The following ZNF74 variants were observed in gnomAD, a reference collection of about 807,000 sequenced individuals.
ZNF74 encodes zinc finger protein 74, also known as zinc finger protein 520.
In ZNF74, 12 loss-of-function variants were observed where a neutral mutation model predicts 17.7. The ratio of observed to expected loss-of-function variants is 0.68; its 90% CI spans 0.43 to 1.10. The LOEUF (loss-of-function observed/expected upper bound fraction) is 1.10. ZNF74 is among the 50% of genes least tolerant of loss of function. ZNF74 has a pLI of 0.00. For synonymous variants in ZNF74, 358 were observed against 362.1 expected, an observed-to-expected ratio of 0.99 and a Z score of 0.13; for missense variants, 811 against 881.0, an observed-to-expected ratio of 0.92 and a Z score of 1.01.
chr22:20,394,921 C>T (rs1473218749), intron 1 of ZNF74: 4 of 519,388 alleles, frequency 7.7e-6, no homozygotes, highest in Admixed American at 6.9e-5. Context: ...CCACCACGCC[C>T]GGCTAATGTT....
chr22:20,406,768 A>G lies in ZNF74; in HGVS notation c.1735A>G (p.Ser579Gly). 1 of 1,614,176 alleles carries G rather than the reference A, an allele frequency of 6.2e-7. No homozygotes were observed. The highest frequency in any genetic ancestry group is 8.5e-7 in the Non-Finnish European group (1 of 1,180,036). ...SHLTEHQRLHSEGKPLAIQFN... is the reference protein window; with the variant it reads ...SHLTEHQRLHGEGKPLAIQFN... ...CCTCACTGAGCACCAGAGGCTGCACAGCGAGGGGAAGCCCTTGGCCATCCA... is the reference window on the plus strand; with the variant it reads ...CCTCACTGAGCACCAGAGGCTGCACGGCGAGGGGAAGCCCTTGGCCATCCA... The change falls in exon 5 of 5, where the codon AGC becomes GGC. Residue 579 changes from serine (S) to glycine (G), a missense_variant. Around this residue, in one of 3 missense-constraint regions of ZNF74, gnomAD observed 115 missense variants for 119.5 expected, o/e 0.96. Transcript: ENST00000400451.
Position 20,407,078 on chromosome 22 carries a change from C to T in ZNF74, c.*110C>T, listed in dbSNP as rs2052441221. 1 of 1,448,444 alleles carries T rather than the reference C, an allele frequency of 6.9e-7. No individual in the cohort carries two copies. The highest frequency in any genetic ancestry group is 1.4e-5 in the African/African-American group (1 of 70,072). The allele number at this position is 1,448,444 out of a possible 1,614,324, so 89.7% of individuals were successfully genotyped here. ...ACCACCTTCCTCCAGGTGTGGGAGC[C>T]TTGCCTTATCACCCCCATCAGGTCT... is the stretch of plus-strand genomic sequence containing the variant. On this transcript the variant is annotated 3_prime_UTR_variant, in exon 5 of 5. Transcript: ENST00000400451.
In ZNF74 at chr22:20,401,191, C is replaced by T; in HGVS notation, c.248-86C>T. The T allele has an allele frequency of 1.2e-6, 1 of 838,848 alleles. No homozygotes were observed. The highest frequency in any genetic ancestry group is 2.7e-5 in the East Asian group (1 of 37,622). The allele number at this position is 838,848 out of a possible 1,614,324, so 52.0% of individuals were successfully genotyped here. ...CCAGAGAGGGTGTCCACTTCACAGG[C>T]ATTGTCCTTGTTAGGGGGCGGCCTG... On this transcript the variant is annotated intron_variant, in intron 3 of 4. Transcript: ENST00000400451. This position sits in a 1 kb window ranked among gnomAD's most constrained non-coding sequence, Gnocchi z 4.2.
At position 20,394,346 on chromosome 22, in the gene ZNF74, G is replaced by A. The variant is rs1229567906; in HGVS notation, c.-283G>A. On this transcript the variant is annotated 5_prime_UTR_variant, in exon 1 of 5. Transcript: ENST00000400451. ...GTCTCCGAGCGCGGGTTCGCCGGGA[G>A]GAGCGTGTGGCGGGGGTGTGCCGGG... The A allele has an allele frequency of 4.3e-6, 3 of 694,248 alleles. No individual in the cohort carries two copies. Among genetic ancestry groups the A allele is most frequent in the East Asian group, 2.7e-5 (1 of 36,546 alleles). 43.0% of individuals were successfully genotyped at this position (694,248 alleles called of 1,614,324 possible).
chr22:20,403,791 C>T (rs894337414), intron 4 of ZNF74, among the ~76,000 whole-genome samples: 3 of 152,122 alleles, frequency 2.0e-5, no homozygotes, highest in Non-Finnish European at 4.4e-5. Flanking sequence ...CCCCCGCCCC[C>T]CGTCAAGACA....
At chr22:20,400,915 C>A in intron 3 of ZNF74, 157 bp downstream of exon 3, 1 of 877,016 alleles carries the variant, frequency 1.1e-6, no homozygotes. Flanking sequence ...CCAGGGGCCT[C>A]GGCCACGCCA....
Position 20,406,449 on chromosome 22 carries a change from C to CA in ZNF74, c.1418dup (p.Cys474ValfsTer52). ...GCATCCACAGCGGCGAGAAGCCCTTCAAGTGCAACGAGTGCGGCAAAGCCT... is the reference window on the plus strand; with the variant it reads ...GCATCCACAGCGGCGAGAAGCCCTTCAAAGTGCAACGAGTGCGGCAAAGCCT... On this transcript the variant is annotated frameshift_variant, in exon 5 of 5. Transcript: ENST00000400451. LOFTEE classifies it low-confidence loss of function (END_TRUNC). 6.2e-7 allele frequency: 1 copy of CA among 1,614,072 alleles called. No individual in the cohort carries two copies. The highest frequency in any genetic ancestry group is 1.1e-5 in the South Asian group (1 of 91,076).
Position 20,406,269 on chromosome 22 carries a change from G to T in ZNF74, c.1236G>T (p.Gly412=), listed in dbSNP as rs931702014. The T allele has an allele frequency of 6.2e-7, 1 of 1,608,814 alleles. No homozygotes were observed. The highest frequency in any genetic ancestry group is 1.7e-5 in the Admixed American group (1 of 59,696). The part of the protein sequence containing the change: ...SLTVHEKIHS[G]DKPFKCSDCE... ...CCGTGCATGAGAAGATCCACAGCGG[G>T]GACAAGCCGTTCAAGTGCAGCGACT... is the stretch of plus-strand genomic sequence containing the variant. Residue 412 remains glycine, a synonymous_variant, in exon 5 of 5, where the codon GGG becomes GGT. Coordinates refer to ENST00000400451, the MANE Select transcript of ZNF74 (RefSeq NM_003426.4).
rs1419274463 is a variant in ZNF74 at position 20,404,175 on chromosome 22, A to AAAAG, written c.344-1193_344-1190dup. ...TCAGAAAACCTTGCTATAGAGATAG[A>AAAAG]AAAGAAAGAAAGCCTTCTTATTGAA... On this transcript the variant is annotated intron_variant, in intron 4 of 4. Coordinates refer to ENST00000400451, the MANE Select transcript of ZNF74 (RefSeq NM_003426.4). Among the ~76,000 whole-genome samples, 3 of 152,356 alleles carry AAAAG rather than the reference A, an allele frequency of 2.0e-5. No individual in the cohort carries two copies. The East Asian group carries it at 5.8e-4, about 29-fold the overall frequency.
At position 20,394,321 on chromosome 22, in the gene ZNF74, G is replaced by T; in HGVS notation, c.-308G>T. 1 of 697,844 alleles carries T rather than the reference G, an allele frequency of 1.4e-6. No individual in the cohort carries two copies. Among genetic ancestry groups the T allele is most frequent in the East Asian group, 2.7e-5 (1 of 36,646 alleles). 43.2% of individuals were successfully genotyped at this position (697,844 alleles called of 1,614,324 possible). A position where few individuals can be genotyped will look rare whatever the true frequency, so the allele number is the denominator to read the frequency against. ...CCGCGGAACCTTAGGCCTGGCCCTG[G>T]TCTCCGAGCGCGGGTTCGCCGGGAG... On this transcript the variant is annotated 5_prime_UTR_variant, in exon 1 of 5. Transcript: ENST00000400451.
intron 4 of ZNF74, among the ~76,000 whole-genome samples, 160 bp from the exon 5 acceptor site, chr22:20,405,217 C>G (rs2052399839): frequency 6.6e-6 from 1 of 152,204 alleles, no homozygotes; most frequent in African/African-American, 2.4e-5. Context: ...CCCATCTCAT[C>G]CTGGGCGCTC....
chr22:20,406,465 G>T lies in ZNF74; in HGVS notation c.1432G>T (p.Gly478Cys), dbSNP rs762677659. 4.3e-6 allele frequency: 7 copies of T among 1,613,746 alleles called. No individual in the cohort carries two copies. The East Asian group carries it at 1.6e-4, about 36-fold the overall frequency. ...GAAGCCCTTCAAGTGCAACGAGTGCGGCAAAGCCTTCAGCTCCCACGCCTA... is the reference window on the plus strand; with the variant it reads ...GAAGCCCTTCAAGTGCAACGAGTGCTGCAAAGCCTTCAGCTCCCACGCCTA... ...GEKPFKCNEC[G>C]KAFSSHAYLI... The change falls in exon 5 of 5, where the codon GGC becomes TGC. Residue 478 changes from glycine (G) to cysteine (C), a missense_variant. Around this residue, in one of 3 missense-constraint regions of ZNF74, gnomAD observed 666 missense variants for 702.3 expected, o/e 0.95. Coordinates refer to ENST00000400451, the MANE Select transcript of ZNF74 (RefSeq NM_003426.4).
intron 2 of ZNF74, 91 bp from the exon 3 acceptor site, chr22:20,400,541 C>G: frequency 6.5e-7 from 1 of 1,541,074 alleles, no homozygotes. Context: ...GAGGTTAACC[C>G]TTTACTTGTA....
At position 20,405,742 on chromosome 22, in the gene ZNF74, C is replaced by G. The variant is rs749151331; in HGVS notation, c.709C>G (p.Arg237Gly). ...SEPEKFPQVR[R>G]QRGAGAGEGE... ...GCCAGAAAAGTTCCCCCAGGTGCGC[C>G]GGCAGCGCGGGGCGGGCGCCGGGGA... Residue 237 changes from arginine to glycine, a missense_variant, in exon 5 of 5, where the codon CGG becomes GGG. Around this residue, in one of 3 missense-constraint regions of ZNF74, gnomAD observed 666 missense variants for 702.3 expected, o/e 0.95. Coordinates refer to ENST00000400451, the MANE Select transcript of ZNF74 (RefSeq NM_003426.4). 5 of 1,604,112 alleles carry G rather than the reference C, an allele frequency of 3.1e-6. No homozygotes were observed. The highest frequency in any genetic ancestry group is 2.6e-6 in the Non-Finnish European group (3 of 1,175,932).
intron 2 of ZNF74, among the ~76,000 whole-genome samples, chr22:20,398,350 GAGTTACCA>G (rs2052320075): frequency 1.4e-5 from 2 of 142,788 alleles, no homozygotes; most frequent in South Asian, 4.5e-4. Flanking sequence ...ACCTCTCTCG[GAGTTACCA>G]AGCATTGAGA....
chr22:20,399,145 T>G (rs1298204022), intron 2 of ZNF74, among the ~76,000 whole-genome samples: 1 of 152,226 alleles, frequency 6.6e-6, no homozygotes, highest in Non-Finnish European at 1.5e-5. Context: ...TATTATGCCT[T>G]TGTTGGTTAG....
Position 20,400,751 on chromosome 22 carries a change from T to C in ZNF74, c.240T>C (p.Leu80=). 6.2e-7 allele frequency: 1 copy of C among 1,614,078 alleles called. No homozygotes were observed. Among genetic ancestry groups the C allele is most frequent in the Non-Finnish European group, 8.5e-7 (1 of 1,179,982 alleles). The change falls in exon 3 of 5, where the codon CTT becomes CTC. Residue 80 remains leucine (L), a synonymous_variant. Coordinates refer to ENST00000400451, the MANE Select transcript of ZNF74 (RefSeq NM_003426.4). ...TGTTGGAGAACTACCAGAACCTTCT[T>C]GCCCTAGGTAAAATCCCCCCAGCCC... ...DVMLENYQNL[L]ALGPPLHKPD...
chr22:20,405,340 C>T (rs376871268), intron 4 of ZNF74, 37 bp from the exon 5 acceptor site: 1 of 1,558,300 alleles, frequency 6.4e-7, no homozygotes, highest in East Asian at 2.3e-5. Flanking sequence ...GCCAGGTTTC[C>T]GCTTGCTCAC....
chr22:20,400,615 C>T lies in ZNF74; in HGVS notation c.121-17C>T. 1 of 1,614,040 alleles carries T rather than the reference C, an allele frequency of 6.2e-7. No individual in the cohort carries two copies. Among genetic ancestry groups the T allele is most frequent in the Non-Finnish European group, 8.5e-7 (1 of 1,179,968 alleles). ...ACACAGAATCAGTCCTGGGTGAGAA[C>T]CTATATGTCATTTCAGGAATCGGTG... On this transcript the variant is annotated splice_polypyrimidine_tract_variant and intron_variant, in intron 2 of 4. Transcript: ENST00000400451.
Sources: gnomAD v4.1 joint callset for allele counts (sites outside exome capture counted in the v4.1 genomes callset) on GRCh38, gnomAD v4.1.1 for gene constraint, gnomAD v4.1.1 regional missense constraint, Gnocchi (gnomAD v3.1) non-coding constraint, MANE v1.5 for transcripts, NCBI Gene and HGNC (gene_info 2026-07-23, HGNC 2026-07-21) for gene names.